Variants in GKAP1 observed in about 807,000 individuals in gnomAD.
The protein encoded by GKAP1 is G kinase anchoring protein 1, also known as G kinase-anchoring protein 1.
A neutral mutation model predicts 56.7 loss-of-function variants in GKAP1; 31 were observed. The ratio of observed to expected loss-of-function variants is 0.55; its 90% CI spans 0.41 to 0.74. The LOEUF is 0.74. Among genes scored for constraint, GKAP1 ranks in the 30% least tolerant of loss-of-function variants. GKAP1 has a pLI of 0.00. For missense variants in GKAP1, 364 were observed against 402.3 expected (o/e 0.90, Z 0.82); for synonymous variants, 151 against 138.6 (o/e 1.09, Z -0.63).
At chr9:83,806,228 G>A (rs1944437664) in intron 3 of GKAP1, 74 bp downstream of exon 3, 3 of 936,702 alleles carry the variant, frequency 3.2e-6, no homozygotes, top group Non-Finnish European at 4.9e-6. Context: ...GATACACAGG[G>A]GAACAAGATA....
At chr9:83,803,787 C>A (rs1423505036) in intron 3 of GKAP1, among the ~76,000 whole-genome samples, 1 of 150,848 alleles carries the variant, frequency 6.6e-6, no homozygotes, top group Non-Finnish European at 1.5e-5. Context: ...TGCCCGGCCG[C>A]CATCCCATCT....
Position 83,788,744 on chromosome 9 carries a change from C to T in GKAP1, c.361-66G>A, listed in dbSNP as rs1944106476. ...ACATCACATGAGCAAAATAACCATA[C>T]ATATTACTATATACAGAGGAAAAGA... is the stretch of plus-strand genomic sequence containing the variant. On this transcript the variant is annotated intron_variant, in intron 4 of 12. Transcript: ENST00000376371. The T allele has an allele frequency of 3.2e-5, 30 of 926,494 alleles. No individual in the cohort carries two copies. The South Asian group carries it at 4.1e-4, about 13-fold the overall frequency. The allele number at this position is 926,494 out of a possible 1,614,324, so 57.4% of individuals were successfully genotyped here. A position where few individuals can be genotyped will look rare whatever the true frequency, so the allele number is the denominator to read the frequency against.
intron 3 of GKAP1, 68 bp downstream of exon 3, chr9:83,806,234 A>C (rs1455033271): frequency 4.0e-6 from 4 of 1,007,536 alleles, no homozygotes; most frequent in Non-Finnish European, 5.9e-6. Flanking sequence ...CAGGGGAACA[A>C]GATAGTATCT....
intron 9 of GKAP1, among the ~76,000 whole-genome samples, chr9:83,752,540 G>A (rs1454131006): frequency 1.3e-5 from 2 of 152,290 alleles, no homozygotes; most frequent in East Asian, 3.9e-4. Context: ...AGAAATTAGA[G>A]GTTACCGGGG....
intron 6 of GKAP1, among the ~76,000 whole-genome samples, chr9:83,784,188 G>C: frequency 6.6e-6 from 1 of 151,706 alleles, no homozygotes; most frequent in East Asian, 1.9e-4. Flanking sequence ...AATTGCTTGA[G>C]TCGTGGAGGC....
At chr9:83,748,080 T>A (rs1380158232) in intron 10 of GKAP1, among the ~76,000 whole-genome samples, 1 of 152,200 alleles carries the variant, frequency 6.6e-6, no homozygotes, top group Non-Finnish European at 1.5e-5. Context: ...ACTGATCAAA[T>A]AGGTATTTAA....
chr9:83,760,131 C>G (rs1481887078), intron 8 of GKAP1, among the ~76,000 whole-genome samples: 4 of 152,112 alleles, frequency 2.6e-5, no homozygotes, highest in Admixed American at 2.6e-4. Context: ...ACCCAATGAT[C>G]TGTTGCCTAC....
intron 6 of GKAP1, 61 bp from the exon 7 acceptor site, chr9:83,780,465 T>TAAA (rs200663185): frequency 2.0e-3 from 425 of 210,690 alleles, no homozygotes; most frequent in East Asian, 3.5e-3. Context: ...TACAAAAATG[T>TAAA]AAAAAAAAAA....
intron 8 of GKAP1, among the ~76,000 whole-genome samples, chr9:83,753,669 A>G (rs1943430423): frequency 6.6e-6 from 1 of 152,180 alleles, no homozygotes; most frequent in African/African-American, 2.4e-5. Flanking sequence ...TATCTTAAAA[A>G]TTCAAAAATT....
At chr9:83,803,492 T>C (rs567674606) in intron 3 of GKAP1, among the ~76,000 whole-genome samples, 2,615 of 152,282 alleles carry the variant, frequency 0.017, 66 homozygotes, top group African/African-American at 0.059. Context: ...TAGCCGCGAG[T>C]GATCCACCAG....
intron 9 of GKAP1, among the ~76,000 whole-genome samples, chr9:83,752,511 C>T (rs1943407769): frequency 6.6e-6 from 1 of 152,224 alleles, no homozygotes; most frequent in South Asian, 2.1e-4. Context: ...CATGAGGTAC[C>T]TAGAATGGGC....
chr9:83,767,136 T>C (rs1392257295), intron 8 of GKAP1, among the ~76,000 whole-genome samples: 4 of 152,192 alleles, frequency 2.6e-5, no homozygotes, highest in Non-Finnish European at 5.9e-5. Context: ...ACTTTCTCTG[T>C]ATGATGGAAT....
intron 8 of GKAP1, among the ~76,000 whole-genome samples, chr9:83,761,185 C>T (rs1249222006): frequency 1.4e-5 from 2 of 145,740 alleles, no homozygotes; most frequent in African/African-American, 5.0e-5. Flanking sequence ...ATTGACAAAC[C>T]TTTAACCACA....
intron 10 of GKAP1, among the ~76,000 whole-genome samples, chr9:83,744,063 G>A (rs901714515): frequency 2.6e-5 from 4 of 152,088 alleles, no homozygotes; most frequent in African/African-American, 7.2e-5. Context: ...AGTTTAATAT[G>A]ATAAGATGAA....
intron 12 of GKAP1, among the ~76,000 whole-genome samples, chr9:83,741,096 C>G (rs756028513): frequency 6.6e-6 from 1 of 151,926 alleles, no homozygotes; most frequent in Non-Finnish European, 1.5e-5. Context: ...GATACCCACC[C>G]ACTATACATA....
Position 83,784,765 on chromosome 9 carries a change from T to C in GKAP1, c.512A>G (p.Gln171Arg). The C allele has an allele frequency of 6.2e-7, 1 of 1,605,138 alleles. No individual in the cohort carries two copies. The highest frequency in any genetic ancestry group is 8.5e-7 in the Non-Finnish European group (1 of 1,174,236). The change falls in exon 6 of 13, where the codon CAG becomes CGG. Residue 171 changes from glutamine (Q) to arginine (R), a missense_variant. By Grantham distance (43) the Gln-to-Arg change is conservative. Transcript: ENST00000376371. ...TACTGTGAGAGGTCTGTCTTTTCCC[T>C]GATGATTCTTTCTTTTATCTTTTTT... is the stretch of plus-strand genomic sequence containing the variant. ...MNKKDKRKNHQGKDRPLTVSL... is the reference protein window; with the variant it reads ...MNKKDKRKNHRGKDRPLTVSL...
At chr9:83,796,752 C>G (rs1467414952) in intron 4 of GKAP1, among the ~76,000 whole-genome samples, 2 of 152,152 alleles carry the variant, frequency 1.3e-5, no homozygotes, top group Non-Finnish European at 2.9e-5. Context: ...CAGGTGTGAG[C>G]CACCGCACCC....
chr9:83,775,569 A>AT (rs1007632366), intron 7 of GKAP1, among the ~76,000 whole-genome samples: 1 of 151,388 alleles, frequency 6.6e-6, no homozygotes, highest in African/African-American at 2.4e-5. Flanking sequence ...GGAAAAAAAA[A>AT]TTTTTTTTGA....
chr9:83,814,930 T>C (rs1284524488), intron 2 of GKAP1, among the ~76,000 whole-genome samples: 2 of 152,272 alleles, frequency 1.3e-5, no homozygotes, highest in Admixed American at 6.5e-5. Flanking sequence ...TCCCAGCACT[T>C]TGGGAGGCCA....
Sources: allele counts gnomAD v4.1 joint callset (sites outside exome capture counted in the v4.1 genomes callset), GRCh38; gene constraint gnomAD v4.1.1; transcripts MANE v1.5; gene names NCBI Gene and HGNC (gene_info 2026-07-23, HGNC 2026-07-21).